SCAPER: variants seen among roughly 807,000 people sequenced by gnomAD.
SCAPER encodes S phase cyclin A-associated protein in the endoplasmic reticulum.
SCAPER carries 98 observed loss-of-function variants against 182.2 expected under a neutral mutation model. The observed-to-expected ratio is 0.54, with a 90% confidence interval of 0.46 to 0.64. SCAPER has a LOEUF of 0.64. Ranked by LOEUF, SCAPER falls within the 30% of genes least tolerant of loss-of-function variation. The pLI, the probability that SCAPER is intolerant of heterozygous loss-of-function variation, is 0.00. For missense variants in SCAPER, 1,432 were observed against 1,690.0 expected, an observed-to-expected ratio of 0.85 and a Z score of 2.68; for synonymous variants, 605 against 564.6, an observed-to-expected ratio of 1.07 and a Z score of -1.01.
At chr15:76,737,144 T>C (rs1457093881) in intron 15 of SCAPER, among the ~76,000 whole-genome samples, 3 of 152,244 alleles carry the variant, frequency 2.0e-5, no homozygotes, top group African/African-American at 7.2e-5. Flanking sequence ...CCAGAAAGTC[T>C]TAATTTCCTT....
intron 16 of SCAPER, among the ~76,000 whole-genome samples, chr15:76,729,186 T>C (rs2060763154): frequency 6.6e-6 from 1 of 151,834 alleles, no homozygotes; most frequent in Non-Finnish European, 1.5e-5. Flanking sequence ...ACTCCTCAGC[T>C]TGTAGACACT....
chr15:76,641,080 G>A (rs368480330), intron 21 of SCAPER, among the ~76,000 whole-genome samples: 2 of 152,134 alleles, frequency 1.3e-5, no homozygotes, highest in South Asian at 2.1e-4. Context: ...TTTAGGGTTA[G>A]GGCATACTCC....
At position 76,448,064 on chromosome 15, in the gene SCAPER, G is replaced by A. The variant is rs146133201; in HGVS notation, c.3079-13754C>T. 1.7e-3 allele frequency among the ~76,000 whole-genome samples: 258 copies of A among 152,282 alleles called. 5 individuals are homozygous for A. The highest frequency in any genetic ancestry group is 0.015 in the Admixed American group (229 of 15,290). On this transcript the variant is annotated intron_variant, in intron 25 of 31. Transcript: ENST00000563290. ...AGTATGTGTGTTCAGGAAGCTGCAG[G>A]TTGCTGGAGATAGTTGGACTAGTGG... is the stretch of plus-strand genomic sequence containing the variant.
chr15:76,845,192 C>A (rs1293331396), intron 4 of SCAPER, among the ~76,000 whole-genome samples: 5 of 152,056 alleles, frequency 3.3e-5, no homozygotes, highest in Admixed American at 1.3e-4. Flanking sequence ...TAAAAACCCT[C>A]AACTACTGGG....
At chr15:76,358,908 T>G (rs2041195561) in intron 29 of SCAPER, among the ~76,000 whole-genome samples, 1 of 152,170 alleles carries the variant, frequency 6.6e-6, no homozygotes, top group African/African-American at 2.4e-5. Flanking sequence ...AAGCTACAGC[T>G]CAAGAGTGCT....
At chr15:76,489,671 C>T (rs1480598264) in intron 24 of SCAPER, among the ~76,000 whole-genome samples, 1 of 150,426 alleles carries the variant, frequency 6.6e-6, no homozygotes, top group Non-Finnish European at 1.5e-5. Context: ...TGAGATCTAC[C>T]CACAGCATAT....
intron 21 of SCAPER, among the ~76,000 whole-genome samples, chr15:76,661,334 CTAAT>C (rs1407211700): frequency 6.6e-6 from 1 of 152,100 alleles, no homozygotes; most frequent in Non-Finnish European, 1.5e-5. Flanking sequence ...CAAATGAGAT[CTAAT>C]TAAACTAAAG....
At chr15:76,894,421 G>A (rs1213605714) in intron 1 of SCAPER, among the ~76,000 whole-genome samples, 2 of 151,958 alleles carry the variant, frequency 1.3e-5, no homozygotes, top group Non-Finnish European at 2.9e-5. Context: ...GGGCAACATA[G>A]CAAGATCCCA....
intron 24 of SCAPER, among the ~76,000 whole-genome samples, chr15:76,502,080 C>T (rs1356934174): frequency 6.6e-6 from 1 of 152,164 alleles, no homozygotes; most frequent in Non-Finnish European, 1.5e-5. Context: ...ATAGAAGAAT[C>T]TTAGAGTCAA....
chr15:76,872,795 G>C (rs1219718283), intron 2 of SCAPER, among the ~76,000 whole-genome samples: 1 of 151,564 alleles, frequency 6.6e-6, no homozygotes, highest in Non-Finnish European at 1.5e-5. Context: ...CAAACTATAT[G>C]AAAGTACTAT....
At chr15:76,701,173 C>A (rs896841474) in intron 20 of SCAPER, among the ~76,000 whole-genome samples, 1 of 151,364 alleles carries the variant, frequency 6.6e-6, no homozygotes, top group Non-Finnish European at 1.5e-5. Context: ...ATAACTTTTC[C>A]TGGACAGCTT....
chr15:76,654,993 G>A (rs1002846750), intron 21 of SCAPER, among the ~76,000 whole-genome samples: 17 of 152,210 alleles, frequency 1.1e-4, no homozygotes, highest in African/African-American at 3.9e-4. Flanking sequence ...CAAAGCCAGA[G>A]TATCTTCTTA....
chr15:76,574,074 A>T, intron 23 of SCAPER, 84 bp downstream of exon 23: 1 of 1,372,072 alleles, frequency 7.3e-7, no homozygotes, highest in Non-Finnish European at 9.7e-7. Flanking sequence ...GTATATACTG[A>T]GTCTGCCTTA....
At chr15:76,889,633 T>C (rs1015125439) in intron 1 of SCAPER, among the ~76,000 whole-genome samples, 3 of 152,194 alleles carry the variant, frequency 2.0e-5, no homozygotes, top group African/African-American at 7.2e-5. Context: ...ATCCTAAATA[T>C]ATACGCACCC....
chr15:76,687,904 T>C (rs1482544344), intron 20 of SCAPER, among the ~76,000 whole-genome samples: 2 of 152,222 alleles, frequency 1.3e-5, no homozygotes, highest in African/African-American at 4.8e-5. Flanking sequence ...TAAACATACA[T>C]GTACATGTGT....
At chr15:76,793,113 G>A in intron 8 of SCAPER, 1 of 605,860 alleles carries the variant, frequency 1.7e-6, no homozygotes, top group Non-Finnish European at 2.7e-6. Context: ...GTTTGGGGAA[G>A]AGAACATTAA....
chr15:76,749,195 T>C (rs903972026), intron 15 of SCAPER, among the ~76,000 whole-genome samples: 7 of 151,884 alleles, frequency 4.6e-5, no homozygotes, highest in African/African-American at 1.7e-4. Context: ...AAATGCACGG[T>C]TGGTTTAATA....
chr15:76,706,894 AAT>A (rs1240839378), intron 17 of SCAPER, among the ~76,000 whole-genome samples: 2 of 152,032 alleles, frequency 1.3e-5, no homozygotes, highest in Admixed American at 1.3e-4. Flanking sequence ...GAAATGTATA[AAT>A]ATATTTTCTC....
At chr15:76,382,127 A>AT (rs2042983685) in intron 27 of SCAPER, among the ~76,000 whole-genome samples, 1 of 152,170 alleles carries the variant, frequency 6.6e-6, no homozygotes, top group Non-Finnish European at 1.5e-5. Context: ...CTTTTCCAAC[A>AT]TTGAGGAGTA....
Sources: gnomAD v4.1 joint callset for allele counts (sites outside exome capture counted in the v4.1 genomes callset) on GRCh38, gnomAD v4.1.1 for gene constraint, MANE v1.5 for transcripts, NCBI Gene and HGNC (gene_info 2026-07-23, HGNC 2026-07-21) for gene names.